Variants in MRPL39 observed in about 807,000 individuals in gnomAD.
MRPL39 encodes the protein large ribosomal subunit protein mL39.
Under a neutral mutation model 44.5 loss-of-function variants are expected in MRPL39, and 35 were observed. That is an observed-to-expected ratio of 0.79 (90% confidence interval 0.60 to 1.04). The LOEUF (loss-of-function observed/expected upper bound fraction) is 1.04, where lower values mean the gene tolerates loss of function less well. MRPL39 is among the 50% of genes least tolerant of loss of function. The probability of loss-of-function intolerance (pLI) is 0.00; values close to 1 mark genes in which losing one functional copy is unlikely to be tolerated. For missense variants in MRPL39, 433 were observed against 413.5 expected, an observed-to-expected ratio of 1.05 and a Z score of -0.41; for synonymous variants, 139 against 136.1, an observed-to-expected ratio of 1.02 and a Z score of -0.15.
chr21:25,607,704 G>A (rs192419351), upstream of MRPL39, among the ~76,000 whole-genome samples: 85 of 152,278 alleles, frequency 5.6e-4, no homozygotes, highest in African/African-American at 1.9e-3. Flanking sequence ...CACCTACCCA[G>A]AGGTGCAGGG....
chr21:25,597,910 T>C (rs930490531), intron 5 of MRPL39, among the ~76,000 whole-genome samples: 13 of 152,176 alleles, frequency 8.5e-5, no homozygotes, highest in Admixed American at 5.2e-4. Context: ...GCATGTCCAA[T>C]ATTAAAAGTT....
At chr21:25,603,611 A>C (rs1334024408) in intron 3 of MRPL39, among the ~76,000 whole-genome samples, 185 bp downstream of exon 3, 1 of 152,220 alleles carries the variant, frequency 6.6e-6, no homozygotes, top group African/African-American at 2.4e-5. Flanking sequence ...ATACCCACAA[A>C]TGGATGCCAC....
rs1450286896 is a variant in MRPL39, at chr21:25,592,934, G to A, written c.799C>T (p.Pro267Ser). The part of the protein sequence containing the change: ...IGDFIDVSEG[P>S]LIPRTSICFQ... The stretch of plus-strand genomic sequence containing the variant: ...CAAATACTTGTTCTTGGAATAAGAG[G>A]GCCCTCACTCACATCAATGAAGTCA... Residue 267 changes from proline to serine, a missense_variant, in exon 8 of 10, where the codon CCT (proline) becomes TCT (serine). Coordinates refer to ENST00000352957, the MANE Select transcript of MRPL39 (RefSeq NM_017446.4). 1.2e-6 allele frequency: 2 copies of A among 1,612,990 alleles called. No individual in the cohort carries two copies. The highest frequency in any genetic ancestry group is 2.7e-5 in the African/African-American group (2 of 74,838).
chr21:25,604,307 T>C (rs1421496277), intron 2 of MRPL39, among the ~76,000 whole-genome samples: 1 of 152,022 alleles, frequency 6.6e-6, no homozygotes, highest in East Asian at 1.9e-4. Context: ...CAAGGTCTTA[T>C]TGGTTATTAA....
At position 25,599,819 on chromosome 21, in the gene MRPL39, C is replaced by T; in HGVS notation, c.568G>A (p.Asp190Asn). ...CYDVVLDSKL[D>N]EWMPTKENLR... ...CTTACTTTTGTTGGCATCCACTCAT[C>T]AAGTTTGCTATCCAAAACTACGTCA... The change falls in exon 5 of 10, where the codon GAT becomes AAT. Residue 190 changes from aspartate (D) to asparagine (N), a missense_variant. By Grantham distance (23) the Asp-to-Asn change is conservative. Coordinates refer to ENST00000352957, the MANE Select transcript of MRPL39 (RefSeq NM_017446.4). The T allele has an allele frequency of 6.2e-7, 1 of 1,613,500 alleles. No individual in the cohort carries two copies. The highest frequency in any genetic ancestry group is 1.7e-5 in the Admixed American group (1 of 60,020).
chr21:25,588,998 T>C, intron 8 of MRPL39, 116 bp from the exon 9 acceptor site: 2 of 868,354 alleles, frequency 2.3e-6, no homozygotes, highest in Non-Finnish European at 3.5e-6. Flanking sequence ...CAGTACTAAT[T>C]TAGATAAGTG....
At chr21:25,601,529 G>C in intron 3 of MRPL39, 62 bp from the exon 4 acceptor site, 3 of 1,115,416 alleles carry the variant, frequency 2.7e-6, no homozygotes, top group South Asian at 1.9e-5. Flanking sequence ...CTAAAGTTTT[G>C]ACAATATTAA....
At chr21:25,606,779 T>G in intron 1 of MRPL39, 124 bp from the exon 2 acceptor site, 1 of 714,292 alleles carries the variant, frequency 1.4e-6, no homozygotes, top group South Asian at 1.9e-5. Flanking sequence ...GAAACAGAGC[T>G]GGCCCAGATA....
chr21:25,604,133 C>T (rs1394495014), intron 2 of MRPL39, among the ~76,000 whole-genome samples, 198 bp from the exon 3 acceptor site: 1 of 151,126 alleles, frequency 6.6e-6, no homozygotes, highest in Non-Finnish European at 1.5e-5. Context: ...GGGGCACGTG[C>T]CTGTAATCCC....
At chr21:25,594,606 C>T (rs2031297138) in intron 6 of MRPL39, among the ~76,000 whole-genome samples, 1 of 152,116 alleles carries the variant, frequency 6.6e-6, no homozygotes, top group African/African-American at 2.4e-5. Flanking sequence ...TTTTACATCT[C>T]TGGCCACTCC....
intron 8 of MRPL39, among the ~76,000 whole-genome samples, chr21:25,589,777 C>T (rs1208487418): frequency 6.6e-6 from 1 of 151,670 alleles, no homozygotes; most frequent in Non-Finnish European, 1.5e-5. Context: ...AACATACAAA[C>T]CCTTCCAGGG....
intron 3 of MRPL39, among the ~76,000 whole-genome samples, chr21:25,601,862 C>T (rs911224619): frequency 6.6e-6 from 1 of 152,098 alleles, no homozygotes; most frequent in Admixed American, 6.5e-5. Context: ...TGGAGAAAAA[C>T]TCAACTTTTA....
intron 2 of MRPL39, among the ~76,000 whole-genome samples, chr21:25,605,992 G>A (rs891221839): frequency 1.3e-5 from 2 of 152,088 alleles, no homozygotes; most frequent in African/African-American, 4.8e-5. Flanking sequence ...TCAAACAAGC[G>A]CCAGGCAGGA....
chr21:25,603,911 T>G lies in MRPL39; in HGVS notation c.305A>C (p.Lys102Thr). Residue 102 changes from lysine to threonine, a missense_variant, in exon 3 of 10, where the codon AAG (lysine) becomes ACG (threonine). By Grantham distance (78) the Lys-to-Thr change is moderately conservative. Transcript: ENST00000352957. ...AMHLSEWYCR[K>T]SILALVDGQP... ...TCCATCCACCAGAGCCAGAATGGAC[T>G]TCCTGCAATACCACTCGCTTAAATC... 1.2e-6 allele frequency: 2 copies of G among 1,611,470 alleles called. No homozygotes were observed. The highest frequency in any genetic ancestry group is 2.2e-5 in the South Asian group (2 of 90,586).
At chr21:25,605,626 A>G (rs923921591) in intron 2 of MRPL39, among the ~76,000 whole-genome samples, 1 of 152,116 alleles carries the variant, frequency 6.6e-6, no homozygotes, top group Non-Finnish European at 1.5e-5. Context: ...ACCACATCAC[A>G]GCCCTAGCTA....
chr21:25,607,552 C>T, upstream of MRPL39: 1 of 1,477,024 alleles, frequency 6.8e-7, no homozygotes, highest in Non-Finnish European at 9.2e-7. Context: ...CTCGGAGTTC[C>T]GCAGGACAGG....
At chr21:25,602,472 A>C (rs79180215) in intron 3 of MRPL39, among the ~76,000 whole-genome samples, 11,567 of 152,300 alleles carry the variant, frequency 0.076, 789 homozygotes, top group East Asian at 0.37. Flanking sequence ...TACATAATAC[A>C]TACATACTCA....
Position 25,592,841 on chromosome 21 carries a change from G to A in MRPL39, c.892C>T (p.Gln298Ter). Residue 298 changes from glutamine to a stop codon, truncating the protein, a stop_gained, in exon 8 of 10, where the codon CAG becomes TAG. Transcript: ENST00000352957. LOFTEE classifies it high-confidence loss of function. The part of the protein sequence containing the change: ...PTQPSLIRRF[Q>*]GVSLPVHLRA... ...AAGTGAACAGGTAAAGACACGCCCT[G>A]GAATCTTCGTATGAGACTTGGCTGG... 9 of 1,612,002 alleles carry A rather than the reference G, an allele frequency of 5.6e-6. No individual in the cohort carries two copies. Among genetic ancestry groups the A allele is most frequent in the Non-Finnish European group, 4.2e-6 (5 of 1,178,148 alleles).
intron 2 of MRPL39, among the ~76,000 whole-genome samples, chr21:25,605,879 TA>T (rs1455669076): frequency 8.5e-5 from 13 of 152,264 alleles, no homozygotes; most frequent in East Asian, 7.7e-4. Flanking sequence ...CCCTCATCTC[TA>T]AAATTAAATT....
Sources: allele counts gnomAD v4.1 joint callset (sites outside exome capture counted in the v4.1 genomes callset), GRCh38; gene constraint gnomAD v4.1.1; transcripts MANE v1.5; gene names NCBI Gene and HGNC (gene_info 2026-07-23, HGNC 2026-07-21).